The following GON4L variants were observed in gnomAD, a reference collection of about 807,000 sequenced individuals.
GON4L encodes the protein gon-4 like.
Under a neutral mutation model 211.8 loss-of-function variants are expected in GON4L, and 87 were observed. The ratio of observed to expected loss-of-function variants is 0.41; its 90% CI spans 0.35 to 0.49. The LOEUF (loss-of-function observed/expected upper bound fraction) is 0.49, where lower values mean the gene tolerates loss of function less well. Ranked by LOEUF, GON4L falls within the 20% of genes least tolerant of loss-of-function variation. The pLI is 0.15. For synonymous variants in GON4L, 875 were observed against 962.6 expected (o/e 0.91, Z 1.68); for missense variants, 2,155 against 2,659.5 (o/e 0.81, Z 4.17).
intron 14 of GON4L, among the ~76,000 whole-genome samples, chr1:155,778,543 G>A (rs1557853208): frequency 6.6e-6 from 1 of 152,150 alleles, no homozygotes; most frequent in South Asian, 2.1e-4. Context: ...AAGCCACCAT[G>A]CCTAGCCCTC....
chr1:155,777,709 C>T lies in GON4L; in HGVS notation c.2004G>A (p.Glu668=). 6.2e-7 allele frequency: 1 copy of T among 1,613,182 alleles called. No individual in the cohort carries two copies. Among genetic ancestry groups the T allele is most frequent in the Non-Finnish European group, 8.5e-7 (1 of 1,179,146 alleles). ...CTTTCTCACTCTGGGGTTTAACCTT[C>T]TCTACTTCCTGCAGCTGTTTGGCTG... ...KSSAKQLQEV[E]KVKPQSEKVH... is the part of the protein sequence containing the mutation. Residue 668 remains glutamate (E), a synonymous_variant, in exon 15 of 32, where the codon GAG becomes GAA. Coordinates refer to ENST00000368331, the MANE Select transcript of GON4L (RefSeq NM_001282860.2).
At chr1:155,773,344 C>T (rs1448516113) in intron 17 of GON4L, 134 bp from the exon 18 acceptor site, 4 of 965,836 alleles carry the variant, frequency 4.1e-6, no homozygotes. Context: ...TGCCCACCAT[C>T]CCCCCAAAAG....
chr1:155,751,227 C>T (rs1660548457), intron 31 of GON4L, among the ~76,000 whole-genome samples: 1 of 152,136 alleles, frequency 6.6e-6, no homozygotes, highest in African/African-American at 2.4e-5. Flanking sequence ...CTCCTAAAAA[C>T]AAAACTGGAA....
rs775349226 is a variant in GON4L at position 155,766,503 on chromosome 1, C to T, written c.2970G>A (p.Arg990=). 3 of 1,614,060 alleles carry T rather than the reference C, an allele frequency of 1.9e-6. No homozygotes were observed. The highest frequency in any genetic ancestry group is 1.1e-5 in the South Asian group (1 of 91,078). The change falls in exon 21 of 32, where the codon AGG becomes AGA. Residue 990 remains arginine, a synonymous_variant. Coordinates refer to ENST00000368331, the MANE Select transcript of GON4L (RefSeq NM_001282860.2). ...KLKPVATRFP[R]KAWRQKRSSV... ...ATGAACGCTTCTGTCTCCAAGCCTT[C>T]CTGGGGAAACGGGTGGCAACTGGCT... is the stretch of plus-strand genomic sequence containing the variant.
chr1:155,775,136 A>C lies in GON4L; in HGVS notation c.2216T>G (p.Leu739Arg). Residue 739 changes from leucine (L) to arginine (R), a missense_variant, in exon 17 of 32, where the codon CTT becomes CGT. Physicochemically the swap from Leu to Arg is moderately radical, Grantham distance 102. Around this residue, in one of 6 missense-constraint regions of GON4L, gnomAD observed 551 missense variants for 854.0 expected, o/e 0.65. Coordinates refer to ENST00000368331, the MANE Select transcript of GON4L (RefSeq NM_001282860.2). The part of the protein sequence containing the change: ...LGTFAQSSIA[L>R]HHQYNPKFQT... Reference sequence around the variant, plus strand: ...AAACTTGGGGTTGTACTGATGGTGAAGGGCGATGGAGCTTTGAGCAAAGGT... The same window carrying C: ...AAACTTGGGGTTGTACTGATGGTGACGGGCGATGGAGCTTTGAGCAAAGGT... 1 of 1,614,164 alleles carries C rather than the reference A, an allele frequency of 6.2e-7. No individual in the cohort carries two copies. The highest frequency in any genetic ancestry group is 8.5e-7 in the Non-Finnish European group (1 of 1,180,024).
chr1:155,813,739 C>T lies in GON4L; in HGVS notation c.1347G>A (p.Pro449=), dbSNP rs368634028. 90 of 1,612,728 alleles carry T rather than the reference C, an allele frequency of 5.6e-5. No individual in the cohort carries two copies. Among genetic ancestry groups the T allele is most frequent in the Non-Finnish European group, 7.2e-5 (85 of 1,179,076 alleles). ...TGGTCTGTTTCGGCTTTGGAGGGGG[C>T]GGGGGCCCCATGGGCACTACCTCAG... ...ISAEVVPMGP[P]PPPKPKQTRD... The change falls in exon 10 of 32, where the codon CCG becomes CCA. Residue 449 remains proline (P), a synonymous_variant. Transcript: ENST00000368331.
chr1:155,767,288 A>C, intron 20 of GON4L, 137 bp downstream of exon 20: 7 of 1,582,902 alleles, frequency 4.4e-6, no homozygotes, highest in Non-Finnish European at 6.0e-6. Context: ...AAGTAAGGGA[A>C]GAAAGGTGAA....
chr1:155,835,727 G>A lies in GON4L; in HGVS notation c.506-8699C>T, dbSNP rs192821909. Among the ~76,000 whole-genome samples, 18 of 152,206 alleles carry A rather than the reference G, an allele frequency of 1.2e-4. No homozygotes were observed. The East Asian group carries it at 1.7e-3, about 15-fold the overall frequency. On this transcript the variant is annotated intron_variant, in intron 2 of 31. Transcript: ENST00000368331. ...CAGCAATCCGCAGGTCTGCTGCTGC[G>A]GCTGCTTCTCTTACAGAGCAGCCAT... is the stretch of plus-strand genomic sequence containing the variant.
In GON4L at chr1:155,751,757, C is replaced by T. The variant is rs1262128147; in HGVS notation, c.6576+10G>A. On this transcript the variant is annotated intron_variant, in intron 31 of 31. Coordinates refer to ENST00000368331, the MANE Select transcript of GON4L (RefSeq NM_001282860.2). ...CTTTTTGCCAGGTCTTCACCCCAAC[C>T]CGCACCTACCTCAGCAGGGGTCTTA... 1 of 1,592,942 alleles carries T rather than the reference C, an allele frequency of 6.3e-7. No individual in the cohort carries two copies. Among genetic ancestry groups the T allele is most frequent in the Non-Finnish European group, 8.6e-7 (1 of 1,163,122 alleles).
Position 155,853,585 on chromosome 1 carries a change from C to T in GON4L, c.196G>A (p.Asp66Asn). ...VAGFEVQSLQDAGNQLGMEDT... is the reference protein window; with the variant it reads ...VAGFEVQSLQNAGNQLGMEDT... ...TCCATACCAAGCTGATTTCCTGCAT[C>T]CTGCAAAGACTGTACTTCGAAGCCA... Residue 66 changes from aspartate (D) to asparagine (N), a missense_variant, in exon 2 of 32, where the codon GAT (aspartate) becomes AAT (asparagine). Transcript: ENST00000368331. The T allele has an allele frequency of 6.2e-7, 1 of 1,614,182 alleles. No homozygotes were observed. Among genetic ancestry groups the T allele is most frequent in the Non-Finnish European group, 8.5e-7 (1 of 1,180,004 alleles).
chr1:155,807,437 G>T (rs972535987), intron 10 of GON4L, among the ~76,000 whole-genome samples: 6 of 151,990 alleles, frequency 3.9e-5, no homozygotes, highest in Admixed American at 1.3e-4. Context: ...GCTGGGTGCA[G>T]TGGCTCACAC....
intron 10 of GON4L, among the ~76,000 whole-genome samples, chr1:155,811,340 C>A (rs1482631217): frequency 3.4e-5 from 4 of 115,944 alleles, no homozygotes; most frequent in Non-Finnish European, 6.5e-5. Flanking sequence ...TGCAGTGAGC[C>A]GAGATCGCAC....
intron 12 of GON4L, among the ~76,000 whole-genome samples, chr1:155,788,249 T>A (rs1056316770): frequency 6.6e-6 from 1 of 152,074 alleles, no homozygotes; most frequent in African/African-American, 2.4e-5. Context: ...TGCCTCAGTA[T>A]CCCAAAGTGC....
chr1:155,851,185 T>A (rs1671755173), intron 2 of GON4L, among the ~76,000 whole-genome samples: 1 of 150,616 alleles, frequency 6.6e-6, no homozygotes, highest in Non-Finnish European at 1.5e-5. Flanking sequence ...AAACCCCGTC[T>A]CTACTAAAAA....
At chr1:155,853,878 A>G (rs1175117849) in intron 1 of GON4L, 72 bp from the exon 2 acceptor site, 8 of 975,648 alleles carry the variant, frequency 8.2e-6, no homozygotes, top group Non-Finnish European at 1.3e-5. Context: ...TTATCTTTTC[A>G]TTTATTCATG....
chr1:155,771,214 C>A lies in GON4L; in HGVS notation c.2499G>T (p.Leu833Phe). 1 of 1,614,112 alleles carries A rather than the reference C, an allele frequency of 6.2e-7. No individual in the cohort carries two copies. The highest frequency in any genetic ancestry group is 8.5e-7 in the Non-Finnish European group (1 of 1,179,932). The change falls in exon 19 of 32, where the codon TTG becomes TTT. Residue 833 changes from leucine (L) to phenylalanine (F), a missense_variant. Around this residue, in one of 6 missense-constraint regions of GON4L, gnomAD observed 551 missense variants for 854.0 expected, o/e 0.65. Coordinates refer to ENST00000368331, the MANE Select transcript of GON4L (RefSeq NM_001282860.2). ...KIVFTKAEDN[L>F]LALGLKHFEG... Reference sequence around the variant, plus strand: ...CAAAATGCTTCAGTCCTAAAGCTAACAAACTGAGAAAGGAGAATAACACTA... The same window carrying A: ...CAAAATGCTTCAGTCCTAAAGCTAAAAAACTGAGAAAGGAGAATAACACTA...
chr1:155,808,041 A>AT lies in GON4L; in HGVS notation c.1453-2901dup, dbSNP rs1002576407. 4.1e-3 allele frequency among the ~76,000 whole-genome samples: 606 copies of AT among 149,290 alleles called. 6 individuals carry two copies. The highest frequency in any genetic ancestry group is 0.014 in the African/African-American group (582 of 40,186). On this transcript the variant is annotated intron_variant, in intron 10 of 31. Coordinates refer to ENST00000368331, the MANE Select transcript of GON4L (RefSeq NM_001282860.2). ...CACAAAAATCTTTTCTTATTTATTTATTTTTTTTTTTTTTTGAGATGGAGT... is the reference window on the plus strand; with the variant it reads ...CACAAAAATCTTTTCTTATTTATTTATTTTTTTTTTTTTTTTGAGATGGAGT...
rs1346638668 is a variant in GON4L, at chr1:155,766,263, T to C, written c.3210A>G (p.Ala1070=). The part of the protein sequence containing the change: ...VSGGESFESP[A]ALPAVPPEAR... ...CCTCAGGGGGCACAGCAGGCAGTGC[T>C]GCAGGAGACTCAAAACTCTCACCTC... The change falls in exon 21 of 32, where the codon GCA becomes GCG. Residue 1070 remains alanine, a synonymous_variant. Coordinates refer to ENST00000368331, the MANE Select transcript of GON4L (RefSeq NM_001282860.2). The C allele has an allele frequency of 2.5e-6, 4 of 1,614,018 alleles. No individual in the cohort carries two copies. In the African/African-American group the frequency reaches 4.0e-5, roughly 16 times the overall value.
Position 155,853,414 on chromosome 1 carries a change from G to A in GON4L, c.367C>T (p.Leu123Phe), listed in dbSNP as rs1428401979. 2 of 1,614,140 alleles carry A rather than the reference G, an allele frequency of 1.2e-6. No homozygotes were observed. The highest frequency in any genetic ancestry group is 2.2e-5 in the South Asian group (2 of 91,086). Residue 123 changes from leucine to phenylalanine, a missense_variant, in exon 2 of 32, where the codon CTC (leucine) becomes TTC (phenylalanine). Coordinates refer to ENST00000368331, the MANE Select transcript of GON4L (RefSeq NM_001282860.2). ...PLNIHIGKGK[L>F]HATGSKRGKK... Reference sequence around the variant, plus strand: ...CCTCTCTTTGAGCCAGTAGCGTGGAGTTTTCCTTTACCAATGTGTATATTA... The same window carrying A: ...CCTCTCTTTGAGCCAGTAGCGTGGAATTTTCCTTTACCAATGTGTATATTA...
Sources: gnomAD v4.1 joint callset for allele counts (sites outside exome capture counted in the v4.1 genomes callset) on GRCh38, gnomAD v4.1.1 for gene constraint, gnomAD v4.1.1 regional missense constraint, MANE v1.5 for transcripts, NCBI Gene and HGNC (gene_info 2026-07-23, HGNC 2026-07-21) for gene names.